The following MACROD2 variants were observed in gnomAD, a reference collection of about 807,000 sequenced individuals.
The protein encoded by MACROD2 is mono-ADP ribosylhydrolase 2.
Under a neutral mutation model 70.4 loss-of-function variants are expected in MACROD2, and 36 were observed. The observed-to-expected ratio is 0.51, with a 90% CI of 0.39 to 0.68. The LOEUF is 0.68. MACROD2 is among the 30% of genes least tolerant of loss of function. MACROD2 has a pLI of 0.00. For missense variants in MACROD2, 496 were observed against 538.4 expected, an observed-to-expected ratio of 0.92 and a Z score of 0.78; for synonymous variants, 172 against 178.8, an observed-to-expected ratio of 0.96 and a Z score of 0.30.
intron 3 of MACROD2, among the ~76,000 whole-genome samples, chr20:14,290,447 G>A (rs560057048): frequency 1.3e-5 from 2 of 151,954 alleles, no homozygotes; most frequent in East Asian, 1.9e-4. Context: ...GAGCACCCAG[G>A]CCACAGCCAA....
At chr20:14,936,917 A>G (rs1639302429) in intron 5 of MACROD2, among the ~76,000 whole-genome samples, 2 of 152,210 alleles carry the variant, frequency 1.3e-5, no homozygotes, top group Non-Finnish European at 2.9e-5. Context: ...CTATGCAGTT[A>G]TTATGGCAAT....
chr20:14,387,523 A>G (rs2083481765), intron 3 of MACROD2, among the ~76,000 whole-genome samples: 1 of 152,234 alleles, frequency 6.6e-6, no homozygotes, highest in South Asian at 2.1e-4. Flanking sequence ...TTCCTTTGAC[A>G]GCTGCTTTAG....
At chr20:15,805,206 A>G (rs1315100161) in intron 8 of MACROD2, among the ~76,000 whole-genome samples, 1 of 152,168 alleles carries the variant, frequency 6.6e-6, no homozygotes, top group East Asian at 1.9e-4. Flanking sequence ...GGTTAGCTGC[A>G]GATGTTGGGA....
chr20:15,204,286 C>T (rs765067383), intron 5 of MACROD2, among the ~76,000 whole-genome samples: 18 of 152,062 alleles, frequency 1.2e-4, no homozygotes, highest in Admixed American at 9.2e-4. Context: ...ATTCTTTAAT[C>T]GAGTGCAAGT....
At chr20:14,993,093 C>T (rs982256420) in intron 5 of MACROD2, among the ~76,000 whole-genome samples, 33 of 152,170 alleles carry the variant, frequency 2.2e-4, no homozygotes, top group African/African-American at 2.6e-4. Flanking sequence ...TGCCAGAAAC[C>T]GCCTGTTTCT....
chr20:16,049,638 G>C (rs1219722312), intron 17 of MACROD2, among the ~76,000 whole-genome samples, 192 bp from the exon 18 acceptor site: 1 of 152,168 alleles, frequency 6.6e-6, no homozygotes. Context: ...TGATTTATAT[G>C]CTCTTTAAAG....
chr20:15,003,560 T>C (rs925978116), intron 5 of MACROD2, among the ~76,000 whole-genome samples: 1 of 152,162 alleles, frequency 6.6e-6, no homozygotes, highest in Admixed American at 6.5e-5. Flanking sequence ...AATTATATCA[T>C]TGAGAAAAAT....
At chr20:14,098,900 G>C (rs985614436) in intron 3 of MACROD2, among the ~76,000 whole-genome samples, 9 of 152,160 alleles carry the variant, frequency 5.9e-5, no homozygotes, top group African/African-American at 2.2e-4. Context: ...CTGTTGAGCA[G>C]TAATAGATCC....
At chr20:14,935,168 C>G (rs1489877766) in intron 5 of MACROD2, 1 of 152,084 alleles carries the variant, frequency 6.6e-6, no homozygotes, top group Non-Finnish European at 1.5e-5. Context: ...CACCTTCCTT[C>G]AGAACAAGTG....
At chr20:15,913,475 T>A (rs6110827) in intron 10 of MACROD2, among the ~76,000 whole-genome samples, 93,883 of 152,038 alleles carry the variant, frequency 0.62, 31,559 homozygotes, top group Non-Finnish European at 0.75. Context: ...CTGCAATTAT[T>A]TTTTCAAGAG....
chr20:15,129,739 G>A (rs1163072350), intron 5 of MACROD2, among the ~76,000 whole-genome samples: 1 of 151,938 alleles, frequency 6.6e-6, no homozygotes, highest in Admixed American at 6.6e-5. Flanking sequence ...TTTAATTTAC[G>A]GAAAACAGGC....
intron 3 of MACROD2, among the ~76,000 whole-genome samples, chr20:14,285,990 A>T (rs964424170): frequency 2.6e-5 from 4 of 152,094 alleles, no homozygotes; most frequent in Admixed American, 6.6e-5. Context: ...AAAAAAAAAA[A>T]AAAGTGAAAC....
chr20:15,197,849 A>G (rs2076618973), intron 5 of MACROD2, among the ~76,000 whole-genome samples: 2 of 151,828 alleles, frequency 1.3e-5, no homozygotes, highest in African/African-American at 4.8e-5. Context: ...GGTGCACACC[A>G]TCACATCTGG....
rs1408549501 is a variant in MACROD2 at position 15,731,351 on chromosome 20, G to GT, written c.646-131387dup. Among the ~76,000 whole-genome samples the GT allele has an allele frequency of 3.4e-5, 2 of 57,978 alleles. 1 individual carries two copies. The highest frequency in any genetic ancestry group is 3.4e-4 in the Admixed American group (2 of 5,802). The allele number at this position is 57,978 out of a possible 152,430, so 38.0% of individuals were successfully genotyped here. A position where few individuals can be genotyped will look rare whatever the true frequency, so the allele number is the denominator to read the frequency against. On this transcript the variant is annotated intron_variant, in intron 8 of 17. Coordinates refer to ENST00000684519, the MANE Select transcript of MACROD2 (RefSeq NM_001351661.2). ...TTGAAATTTCTGTCTTTTGGATGAG[G>GT]TTTTTTTATTTTATATTCTCTGATG...
intron 10 of MACROD2, among the ~76,000 whole-genome samples, chr20:15,914,711 A>G (rs2065287396): frequency 6.6e-6 from 1 of 152,206 alleles, no homozygotes; most frequent in Non-Finnish European, 1.5e-5. Context: ...GTCAAGCCTT[A>G]CACTATCTAG....
At chr20:15,817,501 G>A (rs374762148) in intron 8 of MACROD2, among the ~76,000 whole-genome samples, 1 of 152,160 alleles carries the variant, frequency 6.6e-6, no homozygotes, top group South Asian at 2.1e-4. Context: ...AAGCTTGAAT[G>A]GTATCTAATG....
intron 10 of MACROD2, among the ~76,000 whole-genome samples, chr20:15,929,556 A>G (rs1279964795): frequency 6.6e-6 from 1 of 152,210 alleles, no homozygotes; most frequent in African/African-American, 2.4e-5. Context: ...CCAGAAATCT[A>G]TAGACCTTTA....
At chr20:15,720,270 A>G (rs1026318852) in intron 8 of MACROD2, among the ~76,000 whole-genome samples, 2 of 152,192 alleles carry the variant, frequency 1.3e-5, no homozygotes, top group Admixed American at 6.5e-5. Context: ...GAGCAGGCAG[A>G]CATCGCTTTG....
At chr20:14,914,822 G>T (rs1250734042) in intron 5 of MACROD2, among the ~76,000 whole-genome samples, 2 of 152,100 alleles carry the variant, frequency 1.3e-5, no homozygotes, top group African/African-American at 2.4e-5. Flanking sequence ...TTCTTCTAAT[G>T]CATGCCATAT....
Sources: allele counts gnomAD v4.1 joint callset (sites outside exome capture counted in the v4.1 genomes callset), GRCh38; gene constraint gnomAD v4.1.1; transcripts MANE v1.5; gene names NCBI Gene and HGNC (gene_info 2026-07-23, HGNC 2026-07-21).